MCTP1: variants seen among roughly 807,000 people sequenced by gnomAD.
The protein encoded by MCTP1 is multiple C2 and transmembrane domain containing 1, also known as multiple C2 and transmembrane domain-containing protein 1.
In MCTP1, 69 loss-of-function variants were observed where a neutral mutation model predicts 120.6. The observed-to-expected ratio is 0.57, with a 90% CI of 0.47 to 0.70. MCTP1 has a LOEUF of 0.70. MCTP1 is among the 30% of genes least tolerant of loss of function. MCTP1 has a pLI of 0.00. For synonymous variants in MCTP1, 529 were observed against 493.1 expected (o/e 1.07, Z -0.96); for missense variants, 1,203 against 1,248.8 (o/e 0.96, Z 0.55).
At chr5:95,059,041 A>C (rs978001040) in intron 1 of MCTP1, among the ~76,000 whole-genome samples, 1 of 152,124 alleles carries the variant, frequency 6.6e-6, no homozygotes, top group South Asian at 2.1e-4. Context: ...CTTAACCACC[A>C]TTCAACCCAG....
At chr5:95,178,464 G>T (rs1387695609) in intron 1 of MCTP1, among the ~76,000 whole-genome samples, 2 of 152,174 alleles carry the variant, frequency 1.3e-5, no homozygotes, top group African/African-American at 4.8e-5. Context: ...GCACACTAAA[G>T]AAAAATACAA....
At chr5:95,190,659 G>A (rs945562066) in intron 1 of MCTP1, among the ~76,000 whole-genome samples, 7 of 151,618 alleles carry the variant, frequency 4.6e-5, no homozygotes, top group East Asian at 1.9e-4. Flanking sequence ...AAAAAAAAAC[G>A]GGAATAAAAA....
rs905998536 is a variant in MCTP1 at position 94,888,992 on chromosome 5, G to A, written c.1840-20C>T. On this transcript the variant is annotated intron_variant, in intron 11 of 22. Transcript: ENST00000515393. ...TGGGCTCTGAAAGACCCCAACATCA[G>A]TATTAGAAAAGGGAGGTCCCAAGGA... 1.3e-6 allele frequency: 2 copies of A among 1,552,640 alleles called. No individual in the cohort carries two copies. Among genetic ancestry groups the A allele is most frequent in the South Asian group, 1.1e-5 (1 of 89,834 alleles).
intron 8 of MCTP1, among the ~76,000 whole-genome samples, chr5:94,916,926 C>G (rs1298846436): frequency 6.6e-6 from 1 of 152,180 alleles, no homozygotes; most frequent in Admixed American, 6.6e-5. Context: ...TCTCTTTGTT[C>G]TAATAACTAT....
chr5:94,757,652 T>G (rs772499632), intron 19 of MCTP1, among the ~76,000 whole-genome samples: 9 of 152,206 alleles, frequency 5.9e-5, no homozygotes, highest in Non-Finnish European at 1.2e-4. Flanking sequence ...TCTAGCTCCT[T>G]GAGGAGTTAG....
intron 17 of MCTP1, among the ~76,000 whole-genome samples, chr5:94,847,025 T>G (rs1792546095): frequency 6.6e-6 from 1 of 152,232 alleles, no homozygotes; most frequent in Non-Finnish European, 1.5e-5. Context: ...CAGATTTCTG[T>G]GCTCCTAAGA....
chr5:94,871,765 A>G (rs537205085), intron 13 of MCTP1, among the ~76,000 whole-genome samples: 104 of 152,094 alleles, frequency 6.8e-4, no homozygotes, highest in Non-Finnish European at 1.4e-3. Context: ...TCTAATTATC[A>G]CAATTCATAC....
chr5:95,138,959 A>G (rs892429293), intron 1 of MCTP1, among the ~76,000 whole-genome samples: 1 of 152,182 alleles, frequency 6.6e-6, no homozygotes, highest in African/African-American at 2.4e-5. Context: ...CTATCTGTAT[A>G]TTATACACAC....
chr5:94,806,352 G>A (rs1782290888), intron 17 of MCTP1, among the ~76,000 whole-genome samples: 1 of 152,170 alleles, frequency 6.6e-6, no homozygotes, highest in Non-Finnish European at 1.5e-5. Context: ...GAGAAGTTAA[G>A]TGAAGGTGGG....
intron 2 of MCTP1, chr5:94,979,125 A>G (rs1828813258): frequency 6.6e-6 from 1 of 152,152 alleles, no homozygotes; most frequent in Non-Finnish European, 1.5e-5. Flanking sequence ...GGAGAACAAC[A>G]AACAAGAGGA....
chr5:94,897,183 C>A (rs1344725262), intron 10 of MCTP1, among the ~76,000 whole-genome samples: 1 of 151,470 alleles, frequency 6.6e-6, no homozygotes. Flanking sequence ...CCCACTTCAG[C>A]CTCCAGGTAG....
At chr5:94,911,718 C>G (rs1026471675) in intron 9 of MCTP1, among the ~76,000 whole-genome samples, 27 of 152,140 alleles carry the variant, frequency 1.8e-4, no homozygotes, top group East Asian at 1.9e-4. Flanking sequence ...ATACATAAGA[C>G]ATGTGCCAAA....
chr5:94,942,595 CACTT>C (rs1252561548), intron 3 of MCTP1, among the ~76,000 whole-genome samples, 168 bp from the exon 4 acceptor site: 3 of 151,994 alleles, frequency 2.0e-5, no homozygotes, highest in Non-Finnish European at 4.4e-5. Flanking sequence ...TCTCACGAAA[CACTT>C]AAAGAAAACT....
At chr5:95,020,531 T>C (rs913538918) in intron 1 of MCTP1, among the ~76,000 whole-genome samples, 3 of 152,050 alleles carry the variant, frequency 2.0e-5, no homozygotes, top group African/African-American at 7.2e-5. Context: ...TGCAAATATT[T>C]CCTCCCAGTG....
At chr5:95,015,840 TTATTGTATA>T (rs1837005758) in intron 2 of MCTP1, among the ~76,000 whole-genome samples, 1 of 152,140 alleles carries the variant, frequency 6.6e-6, no homozygotes, top group Admixed American at 6.6e-5. Flanking sequence ...CTACAATAAA[TTATTGTATA>T]TATATGCATT....
At chr5:94,874,838 T>A (rs1370847687) in intron 12 of MCTP1, among the ~76,000 whole-genome samples, 1 of 152,122 alleles carries the variant, frequency 6.6e-6, no homozygotes, top group Non-Finnish European at 1.5e-5. Context: ...AACAGGCAGA[T>A]TCAAATAGTT....
intron 1 of MCTP1, among the ~76,000 whole-genome samples, chr5:95,046,070 T>C (rs950124078): frequency 1.3e-4 from 20 of 152,184 alleles, no homozygotes; most frequent in Admixed American, 1.3e-3. Flanking sequence ...AAATGTTAGC[T>C]AAGAGTGCTA....
At chr5:95,106,413 C>T (rs1450573645) in intron 1 of MCTP1, among the ~76,000 whole-genome samples, 3 of 152,070 alleles carry the variant, frequency 2.0e-5, no homozygotes, top group Non-Finnish European at 2.9e-5. Context: ...GAGAGCAGAC[C>T]CCAGAGCAGA....
At chr5:95,059,647 G>C (rs139825491) in intron 1 of MCTP1, among the ~76,000 whole-genome samples, 12 of 152,240 alleles carry the variant, frequency 7.9e-5, no homozygotes, top group African/African-American at 2.9e-4. Flanking sequence ...AATCTCAGTT[G>C]AGTCAGTTTC....
Sources: gnomAD v4.1 joint callset for allele counts (sites outside exome capture counted in the v4.1 genomes callset) on GRCh38, gnomAD v4.1.1 for gene constraint, MANE v1.5 for transcripts, NCBI Gene and HGNC (gene_info 2026-07-23, HGNC 2026-07-21) for gene names.